Variants in SLC2A13 observed in about 807,000 individuals in gnomAD.
The protein encoded by SLC2A13 is solute carrier family 2 member 13, also known as proton myo-inositol cotransporter.
SLC2A13 carries 32 observed loss-of-function variants against 64.4 expected under a neutral mutation model. The ratio of observed to expected loss-of-function variants is 0.50; its 90% CI spans 0.37 to 0.67. The LOEUF (loss-of-function observed/expected upper bound fraction) is 0.67. Ranked by LOEUF, SLC2A13 falls within the 30% of genes least tolerant of loss-of-function variation. SLC2A13 has a pLI of 0.00. For synonymous variants in SLC2A13, 338 were observed against 327.1 expected (o/e 1.03, Z -0.36); for missense variants, 743 against 829.2 (o/e 0.90, Z 1.28).
intron 1 of SLC2A13, among the ~76,000 whole-genome samples, chr12:40,064,749 A>G (rs1937658752): frequency 6.6e-6 from 1 of 152,208 alleles, no homozygotes; most frequent in Non-Finnish European, 1.5e-5. Flanking sequence ...CAAAAGACTA[A>G]GTATTAGTGG....
chr12:39,805,258 G>A (rs540806279), intron 7 of SLC2A13, among the ~76,000 whole-genome samples: 51 of 152,316 alleles, frequency 3.3e-4, no homozygotes, highest in Non-Finnish European at 6.0e-4. Context: ...ACAGAAAGTG[G>A]TGTGATCTGG....
intron 3 of SLC2A13, among the ~76,000 whole-genome samples, chr12:39,988,556 A>G (rs1463347880): frequency 6.6e-6 from 1 of 150,502 alleles, no homozygotes; most frequent in Non-Finnish European, 1.5e-5. Context: ...AAACAAAGGA[A>G]AGAAAGAAAG....
intron 4 of SLC2A13, among the ~76,000 whole-genome samples, chr12:39,946,279 G>T (rs1946131207): frequency 6.6e-6 from 1 of 152,196 alleles, no homozygotes; most frequent in South Asian, 2.1e-4. Context: ...AGGTTGCAAT[G>T]GACCCCATGA....
chr12:40,068,979 C>G (rs1937851900), intron 1 of SLC2A13, among the ~76,000 whole-genome samples: 1 of 152,008 alleles, frequency 6.6e-6, no homozygotes, highest in African/African-American at 2.4e-5. Flanking sequence ...CACTGGTGAA[C>G]AGCCATGTCT....
intron 4 of SLC2A13, among the ~76,000 whole-genome samples, chr12:39,898,552 C>A (rs1944990393): frequency 6.6e-6 from 1 of 152,112 alleles, no homozygotes; most frequent in African/African-American, 2.4e-5. Context: ...AAACACCAGG[C>A]AAAATAGCTG....
chr12:39,852,760 C>T (rs1943504169), intron 6 of SLC2A13, among the ~76,000 whole-genome samples: 3 of 152,192 alleles, frequency 2.0e-5, no homozygotes, highest in African/African-American at 7.2e-5. Flanking sequence ...GAAAGTACCT[C>T]TGATTGGTCC....
At chr12:40,081,496 C>T (rs1938400581) in intron 1 of SLC2A13, among the ~76,000 whole-genome samples, 1 of 152,140 alleles carries the variant, frequency 6.6e-6, no homozygotes, top group South Asian at 2.1e-4. Context: ...ATACTTCTGA[C>T]TGTATTATGA....
In SLC2A13 at chr12:40,105,866, C is replaced by T; in HGVS notation, c.-58G>A. On this transcript the variant is annotated 5_prime_UTR_variant, in exon 1 of 10. Transcript: ENST00000280871. The surrounding 1 kb of genome is among the most constrained non-coding windows in gnomAD (Gnocchi z 4.2). ...CGGCTCCGCGGGCCGGCAGTCTCGG[C>T]GAGCTAGACAGCCCGAGCCGGCGGG... is the stretch of plus-strand genomic sequence containing the variant. 2.3e-6 allele frequency: 3 copies of T among 1,313,424 alleles called. No individual in the cohort carries two copies. The highest frequency in any genetic ancestry group is 2.9e-4 in the Middle Eastern group (1 of 3,492). 81.4% of individuals were successfully genotyped at this position (1,313,424 alleles called of 1,614,324 possible).
intron 7 of SLC2A13, among the ~76,000 whole-genome samples, chr12:39,767,228 ATCTTGTACATCTCCATCAGAGCCCTTGAG>A (rs1379187762): frequency 6.6e-6 from 1 of 152,018 alleles, no homozygotes; most frequent in African/African-American, 2.4e-5. Context: ...AACAACATTC[ATCTTGTACATCTCCATCAGAGCCCTTGAG>A]TGACCAGTGT....
chr12:39,765,916 C>T (rs984831285), intron 7 of SLC2A13, among the ~76,000 whole-genome samples: 2 of 152,034 alleles, frequency 1.3e-5, no homozygotes, highest in African/African-American at 2.4e-5. Flanking sequence ...TGCATTGTTT[C>T]CTTCTCTGTG....
intron 3 of SLC2A13, among the ~76,000 whole-genome samples, chr12:40,001,680 AC>A (rs993443071): frequency 6.6e-6 from 1 of 152,230 alleles, no homozygotes; most frequent in Non-Finnish European, 1.5e-5. Flanking sequence ...CATTCAAGGC[AC>A]TGAAACTATG....
chr12:40,000,108 C>T (rs1947298801), intron 3 of SLC2A13, among the ~76,000 whole-genome samples: 1 of 152,198 alleles, frequency 6.6e-6, no homozygotes, highest in Non-Finnish European at 1.5e-5. Context: ...CCTGCACAAG[C>T]TCTCTTTGCC....
intron 7 of SLC2A13, among the ~76,000 whole-genome samples, chr12:39,806,498 G>A (rs755716230): frequency 9.9e-5 from 15 of 152,222 alleles, no homozygotes; most frequent in Admixed American, 2.6e-4. Flanking sequence ...GCTTCTATCT[G>A]ATTGCATTTA....
intron 4 of SLC2A13, among the ~76,000 whole-genome samples, chr12:39,929,840 C>A (rs187006350): frequency 1.3e-5 from 2 of 151,962 alleles, no homozygotes; most frequent in African/African-American, 4.8e-5. Context: ...TTAAAGAATG[C>A]GGCACTTGGG....
intron 4 of SLC2A13, among the ~76,000 whole-genome samples, chr12:39,878,636 A>G (rs1944257065): frequency 6.6e-6 from 1 of 152,202 alleles, no homozygotes; most frequent in South Asian, 2.1e-4. Context: ...GCTTATCCTC[A>G]GATGAGGGAG....
intron 4 of SLC2A13, chr12:39,950,942 C>G (rs962329556): frequency 1.4e-5 from 5 of 348,742 alleles, no homozygotes; most frequent in African/African-American, 1.1e-4. Context: ...TGCTTTCCAA[C>G]CAGCATCAAG....
chr12:40,042,959 G>GAAAAAAAAAAAA (rs58322891), intron 2 of SLC2A13, among the ~76,000 whole-genome samples: 3 of 111,458 alleles, frequency 2.7e-5, no homozygotes, highest in Non-Finnish European at 5.3e-5. Flanking sequence ...GCATAAGAAT[G>GAAAAAAAAAAAA]AAAAAAAAAA....
At chr12:40,071,883 T>C (rs1387478862) in intron 1 of SLC2A13, among the ~76,000 whole-genome samples, 1 of 152,158 alleles carries the variant, frequency 6.6e-6, no homozygotes, top group African/African-American at 2.4e-5. Flanking sequence ...TTTTTTGTTT[T>C]GTAGATTTCC....
chr12:39,893,978 G>A (rs1565524430), intron 4 of SLC2A13, among the ~76,000 whole-genome samples: 1 of 152,118 alleles, frequency 6.6e-6, no homozygotes, highest in African/African-American at 2.4e-5. Flanking sequence ...CTGAAAAAAT[G>A]GTGAGATGTA....
Sources: allele counts gnomAD v4.1 joint callset (sites outside exome capture counted in the v4.1 genomes callset), GRCh38; gene constraint gnomAD v4.1.1; non-coding constraint Gnocchi (gnomAD v3.1); transcripts MANE v1.5; gene names NCBI Gene and HGNC (gene_info 2026-07-23, HGNC 2026-07-21).